The following TP53INP2 variants were observed in gnomAD, a reference collection of about 807,000 sequenced individuals.
TP53INP2 encodes the protein tumor protein p53-inducible nuclear protein 2.
TP53INP2 carries 12 observed loss-of-function variants against 17.1 expected under a neutral mutation model. The observed-to-expected ratio is 0.70, with a 90% CI of 0.45 to 1.14. TP53INP2 has a LOEUF of 1.14. TP53INP2 is among the 50% of genes most tolerant of loss of function. The pLI, the probability that TP53INP2 is intolerant of heterozygous loss-of-function variation, is 0.00. For missense variants in TP53INP2, 342 were observed against 330.9 expected, an observed-to-expected ratio of 1.03 and a Z score of -0.26; for synonymous variants, 145 against 147.3, an observed-to-expected ratio of 0.98 and a Z score of 0.12.
At position 34,712,429 on chromosome 20, in the gene TP53INP2, C is replaced by T. The variant is rs925752639; in HGVS notation, c.*2122C>T. 6.6e-6 allele frequency: 1 copy of T among 152,614 alleles called. No individual in the cohort carries two copies. The highest frequency in any genetic ancestry group is 1.5e-5 in the Non-Finnish European group (1 of 68,044). The allele number at this position is 152,614 out of a possible 1,614,324, so 9.5% of individuals were successfully genotyped here. On this transcript the variant is annotated 3_prime_UTR_variant, in exon 5 of 5. Transcript: ENST00000374810. ...TTGTTTACCTATATTTCTGGAGGCT[C>T]CTGTATTCTAGAACCCAATCTCTCA... is the stretch of plus-strand genomic sequence containing the variant.
Position 34,708,779 on chromosome 20 carries a change from TC to T in TP53INP2, c.41del (p.Ser14CysfsTer53). ...CTCCAGCCTCTTCTTCAGCACCCCC[TC>T]GCCCCCCGAAGACCCCGACTGCCCC... ...RLSSLFFSTPSPPEDPDCPRA... is the reference protein window; with the variant it reads ...RLSSLFFSTPXPPEDPDCPRA... On this transcript the variant is annotated frameshift_variant, in exon 3 of 5. Transcript: ENST00000374810. LOFTEE classifies it high-confidence loss of function. 1 of 1,602,524 alleles carries T rather than the reference TC, an allele frequency of 6.2e-7. No homozygotes were observed. Among genetic ancestry groups the T allele is most frequent in the Non-Finnish European group, 8.5e-7 (1 of 1,174,656 alleles).
At chr20:34,705,740 T>A (rs1440285391) in intron 2 of TP53INP2, among the ~76,000 whole-genome samples, 3 of 152,124 alleles carry the variant, frequency 2.0e-5, no homozygotes, top group African/African-American at 7.2e-5. Flanking sequence ...AGGAACTCCA[T>A]TCCTGCTGGG....
At position 34,711,223 on chromosome 20, in the gene TP53INP2, C is replaced by T. The variant is rs908270053; in HGVS notation, c.*916C>T. The T allele has an allele frequency of 3.3e-5, 5 of 152,738 alleles. No individual in the cohort carries two copies. The highest frequency in any genetic ancestry group is 1.2e-4 in the African/African-American group (5 of 41,444). 9.5% of individuals were successfully genotyped at this position (152,738 alleles called of 1,614,324 possible). A position where few individuals can be genotyped will look rare whatever the true frequency, so the allele number is the denominator to read the frequency against. ...GTACCTTGCCACTCTACCCCCAACA[C>T]GTCACCCGAGTAGAAGCTGGGCAAG... is the stretch of plus-strand genomic sequence containing the variant. On this transcript the variant is annotated 3_prime_UTR_variant, in exon 5 of 5. Transcript: ENST00000374810. The surrounding 1 kb of genome is among the most constrained non-coding windows in gnomAD (Gnocchi z 4.1).
rs748632680 is a variant in TP53INP2 at position 34,710,052 on chromosome 20, T to A, written c.414-6T>A. 9 of 1,285,428 alleles carry A rather than the reference T, an allele frequency of 7.0e-6. No homozygotes were observed. The South Asian group carries it at 2.4e-4, about 34-fold the overall frequency. 79.6% of individuals were successfully genotyped at this position (1,285,428 alleles called of 1,614,324 possible). Reference sequence around the variant, plus strand: ...GGCTTGACCGAGCCTGGCTCTGTCCTCACAGGGAATTGACGCCCGCCCGCC... The same window carrying A: ...GGCTTGACCGAGCCTGGCTCTGTCCACACAGGGAATTGACGCCCGCCCGCC... On this transcript the variant is annotated splice_polypyrimidine_tract_variant and splice_region_variant and intron_variant, in intron 4 of 4. Coordinates refer to ENST00000374810, the MANE Select transcript of TP53INP2 (RefSeq NM_021202.3). The surrounding 1 kb of genome is among the most constrained non-coding windows in gnomAD (Gnocchi z 4.9).
Position 34,709,491 on chromosome 20 carries a change from A to T in TP53INP2, c.380A>T (p.Asp127Val), listed in dbSNP as rs1988107249. ...LEPGSPSPLP[D>V]AALPDGDLSE... ...CCCGGGTCCCCTTCCCCGCTCCCGG[A>T]CGCGGCCCTGCCTGACGGCGACCTC... Residue 127 changes from aspartate to valine, a missense_variant, in exon 4 of 5, where the codon GAC becomes GTC. Physicochemically the swap from Asp to Val is radical, Grantham distance 152. Transcript: ENST00000374810. This position sits in a 1 kb window ranked among gnomAD's most constrained non-coding sequence, Gnocchi z 5.4. The T allele has an allele frequency of 6.2e-7, 1 of 1,611,492 alleles. No homozygotes were observed. The highest frequency in any genetic ancestry group is 1.7e-5 in the Admixed American group (1 of 60,014).
In TP53INP2 at chr20:34,710,002, T is replaced by A; in HGVS notation, c.414-56T>A. 1 of 888,964 alleles carries A rather than the reference T, an allele frequency of 1.1e-6. No individual in the cohort carries two copies. The highest frequency in any genetic ancestry group is 4.3e-5 in the East Asian group (1 of 23,112). 55.1% of individuals were successfully genotyped at this position (888,964 alleles called of 1,614,324 possible). A position where few individuals can be genotyped will look rare whatever the true frequency, so the allele number is the denominator to read the frequency against. On this transcript the variant is annotated intron_variant, in intron 4 of 4. Coordinates refer to ENST00000374810, the MANE Select transcript of TP53INP2 (RefSeq NM_021202.3). The surrounding 1 kb of genome is among the most constrained non-coding windows in gnomAD (Gnocchi z 4.9). ...GCAAGGGTGGGAGATGGCAGCGCCC[T>A]CTAGACCCCCCGCCCAGCTTACCCG...
In TP53INP2 at chr20:34,710,648, A is replaced by C. The variant is rs1277270350; in HGVS notation, c.*341A>C. 2 of 221,740 alleles carry C rather than the reference A, an allele frequency of 9.0e-6. No homozygotes were observed. The highest frequency in any genetic ancestry group is 1.8e-5 in the Non-Finnish European group (2 of 113,254). The allele number at this position is 221,740 out of a possible 1,614,324, so 13.7% of individuals were successfully genotyped here. On this transcript the variant is annotated 3_prime_UTR_variant, in exon 5 of 5. Transcript: ENST00000374810. The surrounding 1 kb of genome is among the most constrained non-coding windows in gnomAD (Gnocchi z 4.9). The stretch of plus-strand genomic sequence containing the variant: ...ACCTCTGGCCTGCCCCTATTTCTGA[A>C]AGCTTCTTCCAGTCCCTGATCTGGC...
chr20:34,709,523 G>C lies in TP53INP2; in HGVS notation c.412G>C (p.Gly138Arg). Residue 138 changes from glycine to arginine, a missense_variant and splice_region_variant, in exon 4 of 5, where the codon GGG becomes CGG. Coordinates refer to ENST00000374810, the MANE Select transcript of TP53INP2 (RefSeq NM_021202.3). This position sits in a 1 kb window ranked among gnomAD's most constrained non-coding sequence, Gnocchi z 5.4. ...CCTGCCTGACGGCGACCTCAGCGAA[G>C]GGTGAGCGGGCCGGGGGCGGAGCCT... is the stretch of plus-strand genomic sequence containing the variant. ...AALPDGDLSE[G>R]ELTPARREPR... The C allele has an allele frequency of 2.5e-6, 4 of 1,605,182 alleles. No individual in the cohort carries two copies. The highest frequency in any genetic ancestry group is 3.4e-6 in the Non-Finnish European group (4 of 1,179,058).
chr20:34,709,579 AG>A lies in TP53INP2; in HGVS notation c.413+58del. On this transcript the variant is annotated intron_variant, in intron 4 of 4. Coordinates refer to ENST00000374810, the MANE Select transcript of TP53INP2 (RefSeq NM_021202.3). This position sits in a 1 kb window ranked among gnomAD's most constrained non-coding sequence, Gnocchi z 5.4. ...CCCAGGGAGACGGATCTTGGAGGCC[AG>A]GGTCCAGGCTAGGAGGCTGGGGTAG... 6.5e-7 allele frequency: 1 copy of A among 1,547,028 alleles called. No homozygotes were observed. The highest frequency in any genetic ancestry group is 1.4e-5 in the African/African-American group (1 of 73,688).
In TP53INP2 at chr20:34,710,087, G is replaced by C. The variant is rs1221781857; in HGVS notation, c.443G>C (p.Arg148Pro). 7.0e-6 allele frequency: 9 copies of C among 1,278,862 alleles called. No individual in the cohort carries two copies. Among genetic ancestry groups the C allele is most frequent in the South Asian group, 5.5e-5 (2 of 36,472 alleles). 79.2% of individuals were successfully genotyped at this position (1,278,862 alleles called of 1,614,324 possible). The change falls in exon 5 of 5, where the codon CGG becomes CCG. Residue 148 changes from arginine (R) to proline (P), a missense_variant. By Grantham distance (103) the Arg-to-Pro change is moderately radical (BLOSUM62 -2). Transcript: ENST00000374810. This position sits in a 1 kb window ranked among gnomAD's most constrained non-coding sequence, Gnocchi z 4.9. ...GELTPARREP[R>P]AARHAAPLPA... Reference sequence around the variant, plus strand: ...TTGACGCCCGCCCGCCGCGAGCCGCGGGCCGCGCGCCACGCCGCTCCTCTC... The same window carrying C: ...TTGACGCCCGCCCGCCGCGAGCCGCCGGCCGCGCGCCACGCCGCTCCTCTC...
In TP53INP2 at chr20:34,710,605, C is replaced by T. The variant is rs538740256; in HGVS notation, c.*298C>T. The T allele has an allele frequency of 2.2e-4, 65 of 298,094 alleles. No individual in the cohort carries two copies. The highest frequency in any genetic ancestry group is 1.3e-3 in the African/African-American group (60 of 46,136). 18.5% of individuals were successfully genotyped at this position (298,094 alleles called of 1,614,324 possible). A position where few individuals can be genotyped will look rare whatever the true frequency, so the allele number is the denominator to read the frequency against. On this transcript the variant is annotated 3_prime_UTR_variant, in exon 5 of 5. Coordinates refer to ENST00000374810, the MANE Select transcript of TP53INP2 (RefSeq NM_021202.3). This position sits in a 1 kb window ranked among gnomAD's most constrained non-coding sequence, Gnocchi z 4.9. ...CCCATCCCTGTCTCTCCCTTTCACC[C>T]TTGCCCTCCAGTCCTCTACCTCTGG...
chr20:34,710,142 G>T lies in TP53INP2; in HGVS notation c.498G>T (p.Ala166=), dbSNP rs755747251. The T allele has an allele frequency of 6.3e-6, 8 of 1,266,318 alleles. No individual in the cohort carries two copies. The highest frequency in any genetic ancestry group is 4.4e-4 in the Middle Eastern group (2 of 4,590). The allele number at this position is 1,266,318 out of a possible 1,614,324, so 78.4% of individuals were successfully genotyped here. Residue 166 remains alanine, a synonymous_variant, in exon 5 of 5, where the codon GCG becomes GCT. Coordinates refer to ENST00000374810, the MANE Select transcript of TP53INP2 (RefSeq NM_021202.3). This position sits in a 1 kb window ranked among gnomAD's most constrained non-coding sequence, Gnocchi z 4.9. ...CGCGGGCGGCGCTGCTGGAGAAGGC[G>T]GGCCAGGTGCGGCGGCTGCAGCGGG... ...LPARAALLEK[A]GQVRRLQRAR...
In TP53INP2 at chr20:34,713,161, A is replaced by C. The variant is rs1440054775; in HGVS notation, c.*2854A>C. 1 of 152,626 alleles carries C rather than the reference A, an allele frequency of 6.6e-6. No individual in the cohort carries two copies. The highest frequency in any genetic ancestry group is 1.5e-5 in the Non-Finnish European group (1 of 68,060). 9.5% of individuals were successfully genotyped at this position (152,626 alleles called of 1,614,324 possible). A position where few individuals can be genotyped will look rare whatever the true frequency, so the allele number is the denominator to read the frequency against. On this transcript the variant is annotated 3_prime_UTR_variant, in exon 5 of 5. Transcript: ENST00000374810. Reference sequence around the variant, plus strand: ...TGCAGACACACCATAGCCCCCTTCTACTACTTTCCCTCTCGCCCTGCCACC... The same window carrying C: ...TGCAGACACACCATAGCCCCCTTCTCCTACTTTCCCTCTCGCCCTGCCACC...
chr20:34,707,934 G>A (rs1401243443), intron 2 of TP53INP2, among the ~76,000 whole-genome samples: 1 of 152,126 alleles, frequency 6.6e-6, no homozygotes, highest in Non-Finnish European at 1.5e-5. Context: ...GCTAATTTTT[G>A]TATTATTAGT....
rs1333655881 is a variant in TP53INP2, at chr20:34,709,716, A to C, written c.413+192A>C. Reference sequence around the variant, plus strand: ...CCGGGCGAGGCTAGAAGCGGGCCTGAGGACGGAGGGGCGGGGCTTGAGAGG... The same window carrying C: ...CCGGGCGAGGCTAGAAGCGGGCCTGCGGACGGAGGGGCGGGGCTTGAGAGG... On this transcript the variant is annotated intron_variant, in intron 4 of 4. Coordinates refer to ENST00000374810, the MANE Select transcript of TP53INP2 (RefSeq NM_021202.3). This position sits in a 1 kb window ranked among gnomAD's most constrained non-coding sequence, Gnocchi z 5.4. Among the ~76,000 whole-genome samples the C allele has an allele frequency of 6.6e-6, 1 of 151,276 alleles. No homozygotes were observed. The highest frequency in any genetic ancestry group is 2.0e-4 in the East Asian group (1 of 5,114).
intron 2 of TP53INP2, among the ~76,000 whole-genome samples, chr20:34,708,288 A>T (rs1046120477): frequency 1.3e-5 from 2 of 152,164 alleles, no homozygotes; most frequent in East Asian, 1.9e-4. Context: ...TAAGCACTTT[A>T]TAAGTGTTTA....
Position 34,709,653 on chromosome 20 carries a change from G to GGA in TP53INP2, c.413+130_413+131insAG. 1 of 1,437,662 alleles carries GGA rather than the reference G, an allele frequency of 7.0e-7. No homozygotes were observed. Among genetic ancestry groups the GGA allele is most frequent in the Non-Finnish European group, 9.1e-7 (1 of 1,102,192 alleles). 89.1% of individuals were successfully genotyped at this position (1,437,662 alleles called of 1,614,324 possible). On this transcript the variant is annotated intron_variant, in intron 4 of 4. Coordinates refer to ENST00000374810, the MANE Select transcript of TP53INP2 (RefSeq NM_021202.3). The surrounding 1 kb of genome is among the most constrained non-coding windows in gnomAD (Gnocchi z 5.4). ...GCTCGAGGGGGTAGCGGCCTTGGGA[G>GGA]GGTTGCCTTTGAGACAAAGTGGGGG...
chr20:34,708,686 C>G lies in TP53INP2; in HGVS notation c.-49-5C>G. Reference sequence around the variant, plus strand: ...TGGTGGCTCTCACGTCCTTCTGATTCCCAGGTTTTTGCACTGCCATAGGGC... The same window carrying G: ...TGGTGGCTCTCACGTCCTTCTGATTGCCAGGTTTTTGCACTGCCATAGGGC... On this transcript the variant is annotated splice_region_variant and splice_polypyrimidine_tract_variant and intron_variant, in intron 2 of 4. Transcript: ENST00000374810. 2.6e-6 allele frequency: 4 copies of G among 1,536,926 alleles called. No homozygotes were observed. The highest frequency in any genetic ancestry group is 3.5e-6 in the Non-Finnish European group (4 of 1,143,498).
At position 34,713,167 on chromosome 20, in the gene TP53INP2, T is replaced by A. The variant is rs905796392; in HGVS notation, c.*2860T>A. 6 of 152,660 alleles carry A rather than the reference T, an allele frequency of 3.9e-5. No individual in the cohort carries two copies. In the East Asian group the frequency reaches 1.2e-3, roughly 29 times the overall value. 9.5% of individuals were successfully genotyped at this position (152,660 alleles called of 1,614,324 possible). On this transcript the variant is annotated 3_prime_UTR_variant, in exon 5 of 5. Coordinates refer to ENST00000374810, the MANE Select transcript of TP53INP2 (RefSeq NM_021202.3). ...CACACCATAGCCCCCTTCTACTACT[T>A]TCCCTCTCGCCCTGCCACCTAGTTC...
Sources: gnomAD v4.1 joint callset for allele counts (sites outside exome capture counted in the v4.1 genomes callset) on GRCh38, gnomAD v4.1.1 for gene constraint, Gnocchi (gnomAD v3.1) non-coding constraint, MANE v1.5 for transcripts, NCBI Gene and HGNC (gene_info 2026-07-23, HGNC 2026-07-21) for gene names.